ITGA9: variants seen among roughly 807,000 people sequenced by gnomAD.
The protein encoded by ITGA9 is integrin alpha-9.
ITGA9 carries 56 observed loss-of-function variants against 127.8 expected under a neutral mutation model. The observed-to-expected ratio is 0.44, with a 90% CI of 0.35 to 0.55. ITGA9 has a LOEUF of 0.55. Among genes scored for constraint, ITGA9 ranks in the 20% least tolerant of loss-of-function variants. ITGA9 has a pLI of 0.00. For missense variants in ITGA9, 1,196 were observed against 1,347.1 expected (o/e 0.89, Z 1.76); for synonymous variants, 508 against 514.5 (o/e 0.99, Z 0.17).
intron 15 of ITGA9, among the ~76,000 whole-genome samples, chr3:37,577,562 T>C (rs1302698411): frequency 6.6e-6 from 1 of 152,268 alleles, no homozygotes; most frequent in African/African-American, 2.4e-5. Flanking sequence ...GTGGCATAGA[T>C]GATGGCTGGA....
At chr3:37,730,084 T>C (rs1259042588) in intron 18 of ITGA9, among the ~76,000 whole-genome samples, 1 of 152,214 alleles carries the variant, frequency 6.6e-6, no homozygotes, top group Non-Finnish European at 1.5e-5. Context: ...CAGTGAGGTA[T>C]TGGGCATTAC....
chr3:37,632,456 G>A (rs765341866), intron 16 of ITGA9, among the ~76,000 whole-genome samples: 28 of 152,180 alleles, frequency 1.8e-4, no homozygotes, highest in Non-Finnish European at 3.2e-4. Context: ...ATAAATTTAC[G>A]GGGTCCTATA....
intron 1 of ITGA9, among the ~76,000 whole-genome samples, chr3:37,460,587 CTTTT>C (rs10711884): frequency 3.6e-5 from 4 of 110,840 alleles, no homozygotes; most frequent in Admixed American, 9.3e-5. Context: ...GTGCCCAAAT[CTTTT>C]TTTTTTTTTT....
rs1387353999 is a variant in ITGA9, at chr3:37,741,737, A to G, written c.2242A>G (p.Thr748Ala). The G allele has an allele frequency of 1.2e-6, 2 of 1,613,412 alleles. No homozygotes were observed. The highest frequency in any genetic ancestry group is 1.7e-6 in the Non-Finnish European group (2 of 1,179,750). ...TCTCCTCTCTCTGCACAGTGGCAAC[A>G]CGGAGCGCTCTGAATCCCTGCATGA... ...SFIVTAQSGN[T>A]ERSESLHDNT... is the part of the protein sequence containing the mutation. Residue 748 changes from threonine to alanine, a missense_variant, in exon 21 of 28, where the codon ACG becomes GCG. Coordinates refer to ENST00000264741, the MANE Select transcript of ITGA9 (RefSeq NM_002207.3).
At chr3:37,754,784 A>G (rs1410476268) in intron 23 of ITGA9, among the ~76,000 whole-genome samples, 3 of 152,188 alleles carry the variant, frequency 2.0e-5, no homozygotes, top group East Asian at 1.9e-4. Flanking sequence ...ATGCTTGTAC[A>G]GTAGACAGGC....
At chr3:37,773,725 G>A (rs1475274651) in intron 23 of ITGA9, among the ~76,000 whole-genome samples, 2 of 152,092 alleles carry the variant, frequency 1.3e-5, no homozygotes, top group Non-Finnish European at 2.9e-5. Flanking sequence ...TACTTTCATG[G>A]GGGTGGTAGT....
intron 16 of ITGA9, among the ~76,000 whole-genome samples, chr3:37,637,240 C>T (rs1270671410): frequency 2.0e-5 from 3 of 152,134 alleles, no homozygotes; most frequent in Admixed American, 6.6e-5. Context: ...GCCATTTTCA[C>T]GATATTGATT....
At chr3:37,784,733 C>T (rs935681154) in intron 25 of ITGA9, among the ~76,000 whole-genome samples, 2 of 152,172 alleles carry the variant, frequency 1.3e-5, no homozygotes, top group African/African-American at 2.4e-5. Context: ...ACACATCTTG[C>T]GTGTGTTGAT....
At chr3:37,745,000 T>C (rs575645010) in intron 22 of ITGA9, among the ~76,000 whole-genome samples, 3 of 152,208 alleles carry the variant, frequency 2.0e-5, no homozygotes, top group Non-Finnish European at 4.4e-5. Context: ...ATCTCCTCAC[T>C]CTCTGGTTCT....
chr3:37,705,693 T>G (rs1700996852), intron 18 of ITGA9, among the ~76,000 whole-genome samples: 1 of 152,202 alleles, frequency 6.6e-6, no homozygotes, highest in African/African-American at 2.4e-5. Flanking sequence ...TAGTTTTGGC[T>G]TTGGGAAATG....
At chr3:37,792,406 T>A (rs1472622475) in intron 26 of ITGA9, among the ~76,000 whole-genome samples, 1 of 152,174 alleles carries the variant, frequency 6.6e-6, no homozygotes, top group African/African-American at 2.4e-5. Context: ...GGGAGTAGCC[T>A]GCTTTAGATT....
At chr3:37,583,238 C>G (rs113066592) in intron 15 of ITGA9, among the ~76,000 whole-genome samples, 172 of 152,242 alleles carry the variant, frequency 1.1e-3, no homozygotes, top group African/African-American at 3.9e-3. Flanking sequence ...TGCATAGGTC[C>G]TTGTCCTCCC....
intron 22 of ITGA9, chr3:37,748,421 G>A: frequency 1.7e-6 from 1 of 592,984 alleles, no homozygotes; most frequent in Non-Finnish European, 3.2e-6. Flanking sequence ...AGCCAAGATA[G>A]CTTCCTGAAA....
At chr3:37,761,642 T>C (rs114809444) in intron 23 of ITGA9, among the ~76,000 whole-genome samples, 2,342 of 152,314 alleles carry the variant, frequency 0.015, 28 homozygotes, top group Middle Eastern at 0.048. Context: ...AAGGAAGAGT[T>C]AGAGGGAAGG....
intron 16 of ITGA9, among the ~76,000 whole-genome samples, chr3:37,639,069 T>C (rs1700307888): frequency 2.0e-5 from 3 of 152,116 alleles, no homozygotes; most frequent in Non-Finnish European, 4.4e-5. Flanking sequence ...CGGTGGAGCT[T>C]GAATGCTACA....
chr3:37,633,219 C>CT (rs1700243812), intron 16 of ITGA9, among the ~76,000 whole-genome samples: 1 of 152,096 alleles, frequency 6.6e-6, no homozygotes, highest in African/African-American at 2.4e-5. Flanking sequence ...GAATATGTTT[C>CT]TTTTATGGGT....
At chr3:37,647,931 A>G (rs1296371095) in intron 16 of ITGA9, among the ~76,000 whole-genome samples, 1 of 152,146 alleles carries the variant, frequency 6.6e-6, no homozygotes, top group African/African-American at 2.4e-5. Flanking sequence ...CCTGTTGACA[A>G]ACACTTAGGT....
intron 18 of ITGA9, among the ~76,000 whole-genome samples, chr3:37,731,087 C>T (rs1696285506): frequency 6.6e-6 from 1 of 152,182 alleles, no homozygotes; most frequent in African/African-American, 2.4e-5. Context: ...CATTATCCGG[C>T]AGAATCACTA....
chr3:37,629,501 T>G lies in ITGA9; in HGVS notation c.1839+165T>G, dbSNP rs1700209884. ...TTTTCTGATCTGCAAAATGATAAAA[T>G]AAACAGTCTTAGGGGTTACTTGTGA... On this transcript the variant is annotated intron_variant, in intron 16 of 27. Coordinates refer to ENST00000264741, the MANE Select transcript of ITGA9 (RefSeq NM_002207.3). This position sits in a 1 kb window ranked among gnomAD's most constrained non-coding sequence, Gnocchi z 4.5. 4.2e-6 allele frequency: 3 copies of G among 709,206 alleles called. No homozygotes were observed. The East Asian group carries it at 8.3e-5, about 20-fold the overall frequency. The allele number at this position is 709,206 out of a possible 1,614,324, so 43.9% of individuals were successfully genotyped here.
Sources: gnomAD v4.1 joint callset for allele counts (sites outside exome capture counted in the v4.1 genomes callset) on GRCh38, gnomAD v4.1.1 for gene constraint, Gnocchi (gnomAD v3.1) non-coding constraint, MANE v1.5 for transcripts, NCBI Gene and HGNC (gene_info 2026-07-23, HGNC 2026-07-21) for gene names.